Variants in PDZRN4 observed in about 807,000 individuals in gnomAD.
PDZRN4 encodes the protein PDZ domain containing ring finger 4.
PDZRN4 carries 70 observed loss-of-function variants against 99.0 expected under a neutral mutation model. The ratio of observed to expected loss-of-function variants is 0.71; its 90% CI spans 0.58 to 0.86. The LOEUF is 0.86. Among genes scored for constraint, PDZRN4 ranks in the 40% least tolerant of loss-of-function variants. The pLI, the probability that PDZRN4 is intolerant of heterozygous loss-of-function variation, is 0.00. For missense variants in PDZRN4, 1,474 were observed against 1,331.2 expected (o/e 1.11, Z -1.67); for synonymous variants, 551 against 501.6 (o/e 1.10, Z -1.32).
rs570612104 is a variant in PDZRN4 at position 41,572,675 on chromosome 12, G to A, written c.1896G>A (p.Glu632=). The A allele has an allele frequency of 6.2e-7, 1 of 1,614,138 alleles. No homozygotes were observed. Among genetic ancestry groups the A allele is most frequent in the East Asian group, 2.2e-5 (1 of 44,876 alleles). Residue 632 remains glutamate (E), a synonymous_variant, in exon 10 of 10, where the codon GAG becomes GAA. Transcript: ENST00000402685. ...GTGAAAGATTCAGGCAGCTCTTGGA[G>A]CTCAAATGCAAGATTCGAAATCATG... The part of the protein sequence containing the change: ...EDCERFRQLL[E]LKCKIRNHGE...
At chr12:41,295,788 A>G (rs6582305) in intron 3 of PDZRN4, among the ~76,000 whole-genome samples, 9,349 of 152,234 alleles carry the variant, frequency 0.061, 828 homozygotes, top group African/African-American at 0.2. Context: ...ATTGAAGCAA[A>G]AACAAACATC....
chr12:41,449,724 A>T (rs1952759667), intron 3 of PDZRN4, among the ~76,000 whole-genome samples: 1 of 152,256 alleles, frequency 6.6e-6, no homozygotes, highest in Non-Finnish European at 1.5e-5. Context: ...AATAGGATAT[A>T]TCTGTGTAAA....
At chr12:41,278,179 T>C (rs1027431129) in intron 3 of PDZRN4, among the ~76,000 whole-genome samples, 2 of 152,174 alleles carry the variant, frequency 1.3e-5, no homozygotes, top group Non-Finnish European at 2.9e-5. Context: ...CATAAGATAA[T>C]AAGACTGAAA....
chr12:41,448,358 G>T (rs906919342), intron 3 of PDZRN4, among the ~76,000 whole-genome samples: 22 of 152,014 alleles, frequency 1.4e-4, no homozygotes, highest in Admixed American at 1.2e-3. Flanking sequence ...CCCCTATTCT[G>T]GTAAAAGCCC....
chr12:41,365,061 C>A (rs1951988448), intron 3 of PDZRN4, among the ~76,000 whole-genome samples: 1 of 151,990 alleles, frequency 6.6e-6, no homozygotes, highest in East Asian at 1.9e-4. Context: ...GACAGTTGCA[C>A]CTCATTTGAA....
At chr12:41,404,874 G>A (rs1215033815) in intron 3 of PDZRN4, among the ~76,000 whole-genome samples, 4 of 152,036 alleles carry the variant, frequency 2.6e-5, no homozygotes, top group South Asian at 2.1e-4. Flanking sequence ...AAGCAATGGG[G>A]AAAGGACTCC....
chr12:41,277,194 A>G (rs931194412), intron 3 of PDZRN4, among the ~76,000 whole-genome samples: 19 of 152,202 alleles, frequency 1.2e-4, no homozygotes, highest in Admixed American at 1.2e-3. Context: ...GTGCACAGGA[A>G]TTTTAAACAT....
intron 3 of PDZRN4, among the ~76,000 whole-genome samples, chr12:41,488,186 C>G (rs1303141533): frequency 1.3e-5 from 2 of 152,180 alleles, no homozygotes; most frequent in African/African-American, 4.8e-5. Context: ...ATCCAGCATC[C>G]TAAATCCTGA....
intron 3 of PDZRN4, among the ~76,000 whole-genome samples, chr12:41,219,019 G>A (rs1950938046): frequency 6.7e-6 from 1 of 149,178 alleles, no homozygotes; most frequent in Non-Finnish European, 1.5e-5. Context: ...ATCTTACTAG[G>A]AATATTATTA....
At chr12:41,256,539 T>C (rs977303734) in intron 3 of PDZRN4, among the ~76,000 whole-genome samples, 10 of 152,244 alleles carry the variant, frequency 6.6e-5, no homozygotes, top group African/African-American at 2.2e-4. Context: ...TTCTCTTTTC[T>C]ATCCTCTTGA....
At chr12:41,440,990 G>A (rs1351231283) in intron 3 of PDZRN4, among the ~76,000 whole-genome samples, 2 of 152,076 alleles carry the variant, frequency 1.3e-5, no homozygotes, top group African/African-American at 4.8e-5. Flanking sequence ...ATTTATTTCT[G>A]AGTAAGATTA....
chr12:41,573,309 C>T lies in PDZRN4; in HGVS notation c.2530C>T (p.Pro844Ser). ...HSSSYRYANI[P>S]AHARHYQSYM... The stretch of plus-strand genomic sequence containing the variant: ...CTCCTCATATAGATATGCAAACATC[C>T]CAGCACACGCCCGGCATTATCAAAG... The change falls in exon 10 of 10, where the codon CCA becomes TCA. Residue 844 changes from proline (P) to serine (S), a missense_variant. By Grantham distance (74) the Pro-to-Ser change is moderately conservative (BLOSUM62 -1). Transcript: ENST00000402685. The T allele has an allele frequency of 6.2e-7, 1 of 1,613,380 alleles. No individual in the cohort carries two copies. Among genetic ancestry groups the T allele is most frequent in the Non-Finnish European group, 8.5e-7 (1 of 1,180,018 alleles).
At chr12:41,267,966 T>G (rs942027639) in intron 3 of PDZRN4, among the ~76,000 whole-genome samples, 2 of 152,198 alleles carry the variant, frequency 1.3e-5, no homozygotes, top group African/African-American at 4.8e-5. Flanking sequence ...TGCCATTGCT[T>G]CCATGGTGGC....
intron 3 of PDZRN4, among the ~76,000 whole-genome samples, chr12:41,233,801 G>C (rs758524592): frequency 6.6e-5 from 10 of 151,984 alleles, no homozygotes; most frequent in Middle Eastern, 3.4e-3. Flanking sequence ...GGTGGGGGGA[G>C]CGGGGGGGAG....
At chr12:41,292,888 T>A (rs1951465358) in intron 3 of PDZRN4, among the ~76,000 whole-genome samples, 1 of 151,852 alleles carries the variant, frequency 6.6e-6, no homozygotes, top group South Asian at 2.1e-4. Context: ...CTCCAAATCC[T>A]CACTATTATG....
intron 3 of PDZRN4, among the ~76,000 whole-genome samples, chr12:41,288,903 C>T (rs1322347869): frequency 6.6e-6 from 1 of 152,004 alleles, no homozygotes; most frequent in Non-Finnish European, 1.5e-5. Context: ...ATGGTTTATA[C>T]ATATGTTGAC....
chr12:41,473,843 TAA>T (rs1288463375), intron 3 of PDZRN4, among the ~76,000 whole-genome samples: 3 of 152,222 alleles, frequency 2.0e-5, no homozygotes, highest in Non-Finnish European at 4.4e-5. Flanking sequence ...TATTGTGTAA[TAA>T]AGTCTTTGAA....
chr12:41,526,731 C>G (rs1047324573), intron 5 of PDZRN4, among the ~76,000 whole-genome samples: 3 of 152,130 alleles, frequency 2.0e-5, no homozygotes, highest in Admixed American at 1.3e-4. Context: ...TAAAATTTTG[C>G]TGCTTCACAG....
rs1311593908 is a variant in PDZRN4, at chr12:41,574,652, T to TATACTATTTAG, written c.*764_*774dup. On this transcript the variant is annotated 3_prime_UTR_variant, in exon 10 of 10. Coordinates refer to ENST00000402685, the MANE Select transcript of PDZRN4 (RefSeq NM_001164595.2). ...GACAGTTATAAAGTAGTTATATGTG[T>TATACTATTTAG]ATACTATTTAGAAGACGCCTAATTG... 6.6e-6 allele frequency: 1 copy of TATACTATTTAG among 152,464 alleles called. No individual in the cohort carries two copies. Among genetic ancestry groups the TATACTATTTAG allele is most frequent in the African/African-American group, 2.4e-5 (1 of 41,466 alleles). The allele number at this position is 152,464 out of a possible 1,614,324, so 9.4% of individuals were successfully genotyped here.
Sources: gnomAD v4.1 joint callset for allele counts (sites outside exome capture counted in the v4.1 genomes callset) on GRCh38, gnomAD v4.1.1 for gene constraint, MANE v1.5 for transcripts, NCBI Gene and HGNC (gene_info 2026-07-23, HGNC 2026-07-21) for gene names.